Variants in BBS2 observed in about 807,000 individuals in gnomAD.
The protein encoded by BBS2 is BBSome complex member BBS2.
A neutral mutation model predicts 83.0 loss-of-function variants in BBS2; 62 were observed. That is an observed-to-expected ratio of 0.75 (90% CI 0.61 to 0.92). The LOEUF is 0.92. Among genes scored for constraint, BBS2 ranks in the 40% least tolerant of loss-of-function variants. BBS2 has a pLI of 0.00. For synonymous variants in BBS2, 303 were observed against 326.1 expected (o/e 0.93, Z 0.76); for missense variants, 784 against 901.0 (o/e 0.87, Z 1.66).
chr16:56,497,460 T>C (rs992721802), intron 14 of BBS2: 10 of 516,496 alleles, frequency 1.9e-5, no homozygotes, highest in African/African-American at 1.5e-4. Context: ...CCAAAGCAGA[T>C]ACTACAAATA....
intron 5 of BBS2, among the ~76,000 whole-genome samples, chr16:56,508,678 C>G (rs1964493628): frequency 9.3e-3 from 1 of 108 alleles, no homozygotes; most frequent in Non-Finnish European, 0.016. Context: ...GAGTCTTGTT[C>G]TCGTTGCCCC....
At position 56,484,572 on chromosome 16, in the gene BBS2, A is replaced by G. The variant is rs1963723018; in HGVS notation, c.*189T>C. ...CCTAGTATTATTCAGCAACAGTACT[A>G]CTACTGATTTAAAAATAGAAAGCAA... On this transcript the variant is annotated 3_prime_UTR_variant, in exon 17 of 17. Transcript: ENST00000245157. 1.7e-6 allele frequency: 1 copy of G among 574,628 alleles called. No individual in the cohort carries two copies. The highest frequency in any genetic ancestry group is 2.6e-5 in the Admixed American group (1 of 38,950). The allele number at this position is 574,628 out of a possible 1,614,324, so 35.6% of individuals were successfully genotyped here.
chr16:56,520,009 C>A lies in BBS2; in HGVS notation c.-147G>T, dbSNP rs886052154. 8.6e-5 allele frequency: 61 copies of A among 705,734 alleles called. No homozygotes were observed. Among genetic ancestry groups the A allele is most frequent in the Non-Finnish European group, 1.3e-4 (51 of 393,390 alleles). 43.7% of individuals were successfully genotyped at this position (705,734 alleles called of 1,614,324 possible). On this transcript the variant is annotated 5_prime_UTR_variant, in exon 1 of 17. Coordinates refer to ENST00000245157, the MANE Select transcript of BBS2 (RefSeq NM_031885.5). ...GACGCGAAACAGCCCGGGACGAACC[C>A]GTCCAGGTACCGCCTGCTCCTCCTG...
chr16:56,504,366 G>A (rs751901055), intron 7 of BBS2, among the ~76,000 whole-genome samples: 7 of 152,092 alleles, frequency 4.6e-5, no homozygotes, highest in African/African-American at 9.7e-5. Context: ...CTAAGAAGCA[G>A]GACTACAAAT....
intron 1 of BBS2, among the ~76,000 whole-genome samples, chr16:56,518,760 G>A (rs1164148547): frequency 9.9e-6 from 1 of 100,856 alleles, no homozygotes. Context: ...TTGTCTGTTA[G>A]CTTCTGGACT....
intron 14 of BBS2, 108 bp from the exon 15 acceptor site, chr16:56,497,187 G>C (rs1185561765): frequency 1.4e-5 from 11 of 799,542 alleles, no homozygotes; most frequent in Non-Finnish European, 2.5e-5. Context: ...TCTTTCCCCT[G>C]TTCGCTTATA....
chr16:56,496,151 T>C (rs1964111436), intron 15 of BBS2, among the ~76,000 whole-genome samples: 1 of 152,190 alleles, frequency 6.6e-6, no homozygotes, highest in South Asian at 2.1e-4. Context: ...CCCTAATATA[T>C]ACACATAAAT....
chr16:56,515,585 T>C (rs1964714730), intron 1 of BBS2, among the ~76,000 whole-genome samples: 1 of 152,234 alleles, frequency 6.6e-6, no homozygotes, highest in South Asian at 2.1e-4. Flanking sequence ...TAGCCCCTTC[T>C]AGTTCTAAAA....
At chr16:56,518,859 CATG>C (rs1199376882) in intron 1 of BBS2, among the ~76,000 whole-genome samples, 18 of 152,340 alleles carry the variant, frequency 1.2e-4, no homozygotes, top group African/African-American at 4.3e-4. Context: ...GTGAATGTTA[CATG>C]ATTTCTCTTT....
At chr16:56,487,860 T>TA (rs1342148359) in intron 15 of BBS2, among the ~76,000 whole-genome samples, 3 of 152,020 alleles carry the variant, frequency 2.0e-5, no homozygotes, top group Non-Finnish European at 4.4e-5. Context: ...TATTGAAACA[T>TA]ACAAAACATC....
intron 17 of BBS2, chr16:56,474,987 G>A (rs369524051): frequency 3.7e-5 from 60 of 1,607,658 alleles, no homozygotes; most frequent in Non-Finnish European, 4.5e-5. Context: ...ATTATTCCCC[G>A]TAGGAGGGGC....
chr16:56,502,944 T>G, intron 7 of BBS2, 136 bp from the exon 8 acceptor site: 2 of 1,073,802 alleles, frequency 1.9e-6, no homozygotes, highest in South Asian at 2.8e-5. Flanking sequence ...CTACAACTTC[T>G]CAGGAGATAC....
At chr16:56,498,888 A>C in intron 12 of BBS2, 2 of 431,138 alleles carry the variant, frequency 4.6e-6, no homozygotes, top group East Asian at 6.2e-5. Flanking sequence ...TGTACAAATG[A>C]TTCAGGTATG....
chr16:56,507,902 A>C (rs1195463196), intron 5 of BBS2, among the ~76,000 whole-genome samples: 2 of 152,198 alleles, frequency 1.3e-5, no homozygotes, highest in African/African-American at 4.8e-5. Flanking sequence ...TGGGAGGCGG[A>C]GGTTGCAGTG....
intron 15 of BBS2, 67 bp downstream of exon 15, chr16:56,496,900 A>G: frequency 9.2e-7 from 1 of 1,089,780 alleles, no homozygotes; most frequent in South Asian, 1.2e-5. Flanking sequence ...GTAACATCTG[A>G]GAGTTGCTAT....
intron 17 of BBS2, chr16:56,478,127 G>A (rs1278187192): frequency 2.6e-5 from 4 of 152,054 alleles, no homozygotes; most frequent in African/African-American, 9.7e-5. Context: ...ATATGGTAAC[G>A]AACCATTTTA....
intron 15 of BBS2, among the ~76,000 whole-genome samples, chr16:56,487,164 T>G (rs370404133): frequency 1.8e-4 from 28 of 152,196 alleles, no homozygotes; most frequent in African/African-American, 6.7e-4. Flanking sequence ...ATTTTCTGCA[T>G]GTATGAGTTA....
At chr16:56,472,515 T>C (rs1963246350) in intron 17 of BBS2, among the ~76,000 whole-genome samples, 1 of 152,202 alleles carries the variant, frequency 6.6e-6, no homozygotes, top group African/African-American at 2.4e-5. Flanking sequence ...TTGCTGGGCA[T>C]ATGATAGCAG....
At chr16:56,518,673 A>G (rs1252879594) in intron 1 of BBS2, among the ~76,000 whole-genome samples, 1 of 101,116 alleles carries the variant, frequency 9.9e-6, no homozygotes, top group South Asian at 3.4e-4. Flanking sequence ...TGTGCCTGTT[A>G]TAAGTTATTA....
Sources: gnomAD v4.1 joint callset for allele counts (sites outside exome capture counted in the v4.1 genomes callset) on GRCh38, gnomAD v4.1.1 for gene constraint, MANE v1.5 for transcripts, NCBI Gene and HGNC (gene_info 2026-07-23, HGNC 2026-07-21) for gene names.